GPC6: variants seen among roughly 807,000 people sequenced by gnomAD.
The protein encoded by GPC6 is glypican-6.
GPC6 carries 14 observed loss-of-function variants against 55.2 expected under a neutral mutation model. The ratio of observed to expected loss-of-function variants is 0.25; its 90% CI spans 0.17 to 0.40. The LOEUF (loss-of-function observed/expected upper bound fraction) is 0.40, where lower values mean the gene tolerates loss of function less well. Ranked by LOEUF, GPC6 falls within the 10% of genes least tolerant of loss-of-function variation. The probability of loss-of-function intolerance (pLI) is 1.00; values close to 1 mark genes in which losing one functional copy is unlikely to be tolerated. For missense variants in GPC6, 641 were observed against 708.5 expected (o/e 0.90, Z 1.08); for synonymous variants, 278 against 259.6 (o/e 1.07, Z -0.68).
chr13:93,605,517 TC>T (rs1348965796), intron 2 of GPC6, among the ~76,000 whole-genome samples: 1 of 152,110 alleles, frequency 6.6e-6, no homozygotes, highest in African/African-American at 2.4e-5. Flanking sequence ...TTCTCCATGA[TC>T]AATAAGTATT....
chr13:93,583,568 C>T (rs1176320842), intron 2 of GPC6, among the ~76,000 whole-genome samples: 1 of 152,068 alleles, frequency 6.6e-6, no homozygotes, highest in Admixed American at 6.6e-5. Context: ...AGGCGCCTGC[C>T]ACCACACCCA....
chr13:93,242,782 T>G (rs1876476976), intron 1 of GPC6, among the ~76,000 whole-genome samples: 1 of 152,060 alleles, frequency 6.6e-6, no homozygotes, highest in East Asian at 1.9e-4. Context: ...CTTGGTATGA[T>G]GCACTCCCCC....
At chr13:94,355,302 GGTGA>G (rs1878742143) in intron 6 of GPC6, among the ~76,000 whole-genome samples, 2 of 151,830 alleles carry the variant, frequency 1.3e-5, no homozygotes, top group Non-Finnish European at 2.9e-5. Context: ...GGATTACAGG[GGTGA>G]GCCACGGCGC....
At chr13:93,299,833 C>G (rs571888813) in intron 1 of GPC6, among the ~76,000 whole-genome samples, 1 of 152,076 alleles carries the variant, frequency 6.6e-6, no homozygotes, top group Admixed American at 6.6e-5. Context: ...TACTGTTCTT[C>G]GGGGTCTAAA....
intron 3 of GPC6, among the ~76,000 whole-genome samples, chr13:93,878,138 G>A (rs959995488): frequency 2.6e-5 from 4 of 152,148 alleles, no homozygotes; most frequent in East Asian, 1.9e-4. Context: ...CAGGGAGAGC[G>A]ATGGGGAGAT....
At chr13:93,641,395 G>T (rs532765613) in intron 2 of GPC6, among the ~76,000 whole-genome samples, 1 of 152,084 alleles carries the variant, frequency 6.6e-6, no homozygotes, top group African/African-American at 2.4e-5. Context: ...GACTGCAGGG[G>T]TTTCACTTGT....
At chr13:93,933,110 G>C (rs74109135) in intron 3 of GPC6, among the ~76,000 whole-genome samples, 2 of 150,424 alleles carry the variant, frequency 1.3e-5, no homozygotes, top group Non-Finnish European at 2.9e-5. Context: ...TTCTGTTGTC[G>C]TATCTCCTAC....
chr13:93,971,805 G>A (rs1465108524), intron 3 of GPC6, among the ~76,000 whole-genome samples: 1 of 152,184 alleles, frequency 6.6e-6, no homozygotes, highest in Non-Finnish European at 1.5e-5. Flanking sequence ...CAGAGGAAAC[G>A]ACAGAACTGT....
intron 3 of GPC6, among the ~76,000 whole-genome samples, chr13:93,979,353 T>A (rs992141886): frequency 4.7e-5 from 7 of 147,806 alleles, no homozygotes; most frequent in African/African-American, 1.3e-4. Flanking sequence ...GTGTTTTTTT[T>A]AATTTTTTTT....
At chr13:93,939,273 A>G (rs1878600992) in intron 3 of GPC6, among the ~76,000 whole-genome samples, 1 of 151,110 alleles carries the variant, frequency 6.6e-6, no homozygotes, top group Admixed American at 6.6e-5. Context: ...TGAGAAAAAT[A>G]TTTGCCACAT....
intron 3 of GPC6, among the ~76,000 whole-genome samples, chr13:93,939,671 A>C (rs2140361684): frequency 6.6e-6 from 1 of 152,134 alleles, no homozygotes; most frequent in South Asian, 2.1e-4. Context: ...GCTGGTCTTG[A>C]GCTCCTCAGC....
intron 1 of GPC6, among the ~76,000 whole-genome samples, chr13:93,516,277 T>A (rs1245959386): frequency 6.6e-6 from 1 of 152,174 alleles, no homozygotes; most frequent in Non-Finnish European, 1.5e-5. Context: ...ACTCACTTTT[T>A]CATGTGTCAT....
chr13:94,144,547 ATGTGTGTGTG>A (rs67016286), intron 4 of GPC6, among the ~76,000 whole-genome samples: 3 of 148,430 alleles, frequency 2.0e-5, no homozygotes, highest in East Asian at 4.1e-4. Context: ...GTGTGTGTGT[ATGTGTGTGTG>A]TGTGTGTGTG....
At chr13:93,945,592 A>G (rs1032911403) in intron 3 of GPC6, among the ~76,000 whole-genome samples, 1 of 152,182 alleles carries the variant, frequency 6.6e-6, no homozygotes, top group Admixed American at 6.5e-5. Flanking sequence ...GACAACAAAA[A>G]AAATAGGGAA....
chr13:93,865,266 G>A (rs1474858485), intron 3 of GPC6, among the ~76,000 whole-genome samples: 3 of 151,480 alleles, frequency 2.0e-5, no homozygotes, highest in African/African-American at 7.3e-5. Context: ...TACTCTCTGG[G>A]GAAAAAAATG....
chr13:93,908,814 G>C (rs1164128322), intron 3 of GPC6, among the ~76,000 whole-genome samples: 3 of 152,014 alleles, frequency 2.0e-5, no homozygotes, highest in African/African-American at 7.2e-5. Flanking sequence ...GTGCTTCCTA[G>C]TCCCACTGTC....
chr13:93,514,143 G>A (rs1881094545), intron 1 of GPC6, among the ~76,000 whole-genome samples: 1 of 152,198 alleles, frequency 6.6e-6, no homozygotes, highest in East Asian at 1.9e-4. Context: ...GAAATGCTGG[G>A]ATTACAGGTG....
chr13:93,902,970 A>G (rs535030465), intron 3 of GPC6, among the ~76,000 whole-genome samples: 1 of 152,324 alleles, frequency 6.6e-6, no homozygotes, highest in Admixed American at 6.5e-5. Flanking sequence ...CCAAGAACAT[A>G]CAATGGAGAA....
At chr13:93,306,361 TTCTG>T (rs147151063) in intron 1 of GPC6, among the ~76,000 whole-genome samples, 79 of 152,224 alleles carry the variant, frequency 5.2e-4, no homozygotes, top group East Asian at 2.9e-3. Context: ...TGTGAGAAAA[TTCTG>T]TCTGTCAGCC....
Sources: gnomAD v4.1 joint callset for allele counts (sites outside exome capture counted in the v4.1 genomes callset) on GRCh38, gnomAD v4.1.1 for gene constraint, MANE v1.5 for transcripts, NCBI Gene and HGNC (gene_info 2026-07-23, HGNC 2026-07-21) for gene names.